The following ZNF773 variants were observed in gnomAD, a reference collection of about 807,000 sequenced individuals.
ZNF773 encodes the protein zinc finger protein 419B.
Under a neutral mutation model 12.8 loss-of-function variants are expected in ZNF773, and 11 were observed. That is an observed-to-expected ratio of 0.86 (90% CI 0.54 to 1.42). ZNF773 has a LOEUF of 1.42. Among genes scored for constraint, ZNF773 ranks in the 40% most tolerant of loss-of-function variants. The pLI is 0.00. For synonymous variants in ZNF773, 175 were observed against 178.4 expected (o/e 0.98, Z 0.15); for missense variants, 518 against 527.2 (o/e 0.98, Z 0.17).
chr19:57,501,002 C>G (rs1157591048), intron 1 of ZNF773, among the ~76,000 whole-genome samples: 3 of 152,128 alleles, frequency 2.0e-5, no homozygotes, highest in Non-Finnish European at 2.9e-5. Flanking sequence ...AGAGTATGAA[C>G]ACCCAGGACT....
In ZNF773 at chr19:57,507,152, C is replaced by A. The variant is rs1472697021; in HGVS notation, c.1057C>A (p.His353Asn). Residue 353 changes from histidine to asparagine, a missense_variant, in exon 4 of 4, where the codon CAC becomes AAC. By Grantham distance (68) the His-to-Asn change is moderately conservative. Coordinates refer to ENST00000282292, the MANE Select transcript of ZNF773 (RefSeq NM_198542.3). ...CAGCCTTATCAATCATTGGCGTGTT[C>A]ACACTGGAGAAAGGCCTTATGAGTG... ...KSSLINHWRV[H>N]TGERPYECSE... The A allele has an allele frequency of 6.2e-7, 1 of 1,614,196 alleles. No homozygotes were observed. The highest frequency in any genetic ancestry group is 1.3e-5 in the African/African-American group (1 of 75,050).
At chr19:57,515,942 G>A (rs1354258430), downstream of ZNF773, 1 of 152,228 alleles carries the variant, frequency 6.6e-6, no homozygotes, top group African/African-American at 2.4e-5. Context: ...AATGTTAGAG[G>A]GAAAAAGGAA....
intron 1 of ZNF773, among the ~76,000 whole-genome samples, chr19:57,503,838 G>A (rs1430217799): frequency 1.3e-5 from 2 of 151,876 alleles, no homozygotes; most frequent in Non-Finnish European, 2.9e-5. Flanking sequence ...TTGTATTTCG[G>A]GTAGAGACAG....
downstream of ZNF773, chr19:57,508,566 T>G (rs1361861188): frequency 5.7e-6 from 4 of 700,770 alleles, no homozygotes; most frequent in Admixed American, 8.0e-5. Flanking sequence ...AGATATTCTG[T>G]AAGTTGATCC....
At chr19:57,514,294 G>A (rs912548267), downstream of ZNF773, 4 of 152,218 alleles carry the variant, frequency 2.6e-5, no homozygotes, top group African/African-American at 9.6e-5. Context: ...GTAGTCATCT[G>A]TAGGGACAGA....
intron 3 of ZNF773, 67 bp from the exon 4 acceptor site, chr19:57,506,291 C>CGT: frequency 3.2e-6 from 5 of 1,547,520 alleles, no homozygotes; most frequent in Non-Finnish European, 4.3e-6. Flanking sequence ...GTGTCAGACA[C>CGT]GTGTGAGAGT....
At position 57,499,974 on chromosome 19, in the gene ZNF773, G is replaced by T. The variant is rs1321858962; in HGVS notation, c.-107G>T. 1.4e-6 allele frequency: 2 copies of T among 1,408,142 alleles called. No homozygotes were observed. Among genetic ancestry groups the T allele is most frequent in the Non-Finnish European group, 1.9e-6 (2 of 1,050,630 alleles). The allele number at this position is 1,408,142 out of a possible 1,614,324, so 87.2% of individuals were successfully genotyped here. A position where few individuals can be genotyped will look rare whatever the true frequency, so the allele number is the denominator to read the frequency against. ...CGACCAGCTCCGGAAAGCGCGGTGG[G>T]GACGCGCTGTGTTCTCGCAGCTCAG... is the stretch of plus-strand genomic sequence containing the variant. On this transcript the variant is annotated 5_prime_UTR_variant, in exon 1 of 4. Coordinates refer to ENST00000282292, the MANE Select transcript of ZNF773 (RefSeq NM_198542.3).
downstream of ZNF773, chr19:57,513,511 C>T (rs2089813244): frequency 6.6e-6 from 1 of 152,620 alleles, no homozygotes. Flanking sequence ...AACCCTGATC[C>T]TATATCAATA....
At position 57,505,479 on chromosome 19, in the gene ZNF773, C is replaced by T. The variant is rs575386929; in HGVS notation, c.262+79C>T. On this transcript the variant is annotated intron_variant, in intron 3 of 3. Transcript: ENST00000282292. Reference sequence around the variant, plus strand: ...ATACCAGGAGTCTTTCCAGTGGGCCCAGATATTTTGATACCAAGGCAAGGT... The same window carrying T: ...ATACCAGGAGTCTTTCCAGTGGGCCTAGATATTTTGATACCAAGGCAAGGT... 2.2e-5 allele frequency: 33 copies of T among 1,507,210 alleles called. No individual in the cohort carries two copies. In the Admixed American group the frequency reaches 5.2e-4, roughly 24 times the overall value. 93.4% of individuals were successfully genotyped at this position (1,507,210 alleles called of 1,614,324 possible). A position where few individuals can be genotyped will look rare whatever the true frequency, so the allele number is the denominator to read the frequency against.
At position 57,504,744 on chromosome 19, in the gene ZNF773, C is replaced by T. The variant is rs769611222; in HGVS notation, c.121C>T (p.Arg41Cys). 41 of 1,613,664 alleles carry T rather than the reference C, an allele frequency of 2.5e-5. No individual in the cohort carries two copies. The highest frequency in any genetic ancestry group is 4.5e-5 in the East Asian group (2 of 44,848). The change falls in exon 2 of 4, where the codon CGC (arginine) becomes TGC (cysteine). Residue 41 changes from arginine (R) to cysteine (C), a missense_variant. Physicochemically the swap from Arg to Cys is radical, Grantham distance 180. Transcript: ENST00000282292. ...TGATGACGCTCAGAGGCTCCTCTAC[C>T]GCAATGTGATGCTGGAGAACTTTAC... Reference protein sequence around the residue: ...LLDDAQRLLYRNVMLENFTLL... With the variant: ...LLDDAQRLLYCNVMLENFTLL...
chr19:57,501,098 G>A (rs1276136756), intron 1 of ZNF773, among the ~76,000 whole-genome samples: 2 of 152,136 alleles, frequency 1.3e-5, no homozygotes, highest in African/African-American at 4.8e-5. Flanking sequence ...TGGAGAAAAG[G>A]AAAGGTCAGC....
chr19:57,504,801 C>T lies in ZNF773; in HGVS notation c.163+15C>T. The T allele has an allele frequency of 6.2e-7, 1 of 1,610,794 alleles. No individual in the cohort carries two copies. Among genetic ancestry groups the T allele is most frequent in the Non-Finnish European group, 8.5e-7 (1 of 1,178,170 alleles). On this transcript the variant is annotated intron_variant, in intron 2 of 3. Transcript: ENST00000282292. ...GGCCTCTCTGGGTAAGGTTCTCACA[C>T]CCCACCCCAGCATCCTGAGCTGGAC...
In ZNF773 at chr19:57,500,050, C is replaced by T; in HGVS notation, c.-31C>T. 1 of 1,575,002 alleles carries T rather than the reference C, an allele frequency of 6.3e-7. No individual in the cohort carries two copies. The highest frequency in any genetic ancestry group is 1.2e-5 in the South Asian group (1 of 86,464). ...CGCCCAGGGTGGCCCGGGCCCTTTC[C>T]TCGGTCGTTGTCTCACCGCCACAGG... is the stretch of plus-strand genomic sequence containing the variant. On this transcript the variant is annotated 5_prime_UTR_variant, in exon 1 of 4. Coordinates refer to ENST00000282292, the MANE Select transcript of ZNF773 (RefSeq NM_198542.3).
chr19:57,508,431 T>C (rs1425709664), downstream of ZNF773: 8 of 658,974 alleles, frequency 1.2e-5, no homozygotes, highest in Non-Finnish European at 2.2e-5. Flanking sequence ...TTCTTATGAA[T>C]GTTAGATCTT....
downstream of ZNF773, chr19:57,512,874 C>A: frequency 2.5e-6 from 2 of 789,452 alleles, no homozygotes; most frequent in Non-Finnish European, 3.6e-6. Context: ...CCAACTGTTA[C>A]GTCTTCCTCT....
In ZNF773 at chr19:57,507,744, G is replaced by A; in HGVS notation, c.*320G>A. 4 of 1,108,586 alleles carry A rather than the reference G, an allele frequency of 3.6e-6. No individual in the cohort carries two copies. The South Asian group carries it at 1.1e-4, about 29-fold the overall frequency. 68.7% of individuals were successfully genotyped at this position (1,108,586 alleles called of 1,614,324 possible). Reference sequence around the variant, plus strand: ...ATTCTCACCACTTTGGGAGGCTGAAGCGGGCGGATCACAAGGTCAGGACAT... The same window carrying A: ...ATTCTCACCACTTTGGGAGGCTGAAACGGGCGGATCACAAGGTCAGGACAT... On this transcript the variant is annotated 3_prime_UTR_variant, in exon 4 of 4. Transcript: ENST00000282292.
chr19:57,508,355 C>T, downstream of ZNF773: 1 of 491,016 alleles, frequency 2.0e-6, no homozygotes, highest in Non-Finnish European at 2.6e-6. Flanking sequence ...GAGTTTTAAT[C>T]TCACTGAGTT....
At chr19:57,511,387 T>C (rs570081802), downstream of ZNF773, among the ~76,000 whole-genome samples, 1 of 152,100 alleles carries the variant, frequency 6.6e-6, no homozygotes, top group Non-Finnish European at 1.5e-5. Flanking sequence ...TGAAAACCTT[T>C]ATGACTTCAA....
Position 57,507,538 on chromosome 19 carries a change from A to T in ZNF773, c.*114A>T. 1 of 1,465,640 alleles carries T rather than the reference A, an allele frequency of 6.8e-7. No homozygotes were observed. The highest frequency in any genetic ancestry group is 9.0e-7 in the Non-Finnish European group (1 of 1,115,150). The allele number at this position is 1,465,640 out of a possible 1,614,324, so 90.8% of individuals were successfully genotyped here. ...ATCCATTAGCTATACCTCCAAACTC[A>T]TTCAACACTGGACAGTTCACAGAGT... is the stretch of plus-strand genomic sequence containing the variant. On this transcript the variant is annotated 3_prime_UTR_variant, in exon 4 of 4. Transcript: ENST00000282292.
Sources: allele counts gnomAD v4.1 joint callset (sites outside exome capture counted in the v4.1 genomes callset), GRCh38; gene constraint gnomAD v4.1.1; transcripts MANE v1.5; gene names NCBI Gene and HGNC (gene_info 2026-07-23, HGNC 2026-07-21).